Variants in IGF2BP1 observed in about 807,000 individuals in gnomAD.
The protein encoded by IGF2BP1 is insulin-like growth factor 2 mRNA-binding protein 1.
Under a neutral mutation model 74.9 loss-of-function variants are expected in IGF2BP1, and 11 were observed. The ratio of observed to expected loss-of-function variants is 0.15; its 90% CI spans 0.09 to 0.24. The LOEUF (loss-of-function observed/expected upper bound fraction) is 0.24, where lower values mean the gene tolerates loss of function less well. Ranked by LOEUF, IGF2BP1 falls within the 10% of genes least tolerant of loss-of-function variation. The probability of loss-of-function intolerance (pLI) is 1.00; values close to 1 mark genes in which losing one functional copy is unlikely to be tolerated. For missense variants in IGF2BP1, 440 were observed against 757.4 expected (o/e 0.58, Z 4.92); for synonymous variants, 287 against 281.8 (o/e 1.02, Z -0.18).
intron 5 of IGF2BP1, among the ~76,000 whole-genome samples, chr17:49,032,512 A>G (rs556875096): frequency 1.3e-5 from 2 of 152,294 alleles, no homozygotes; most frequent in African/African-American, 4.8e-5. Context: ...TTGAGCAATT[A>G]TGCGTCTCAC....
At chr17:48,999,765 A>G (rs956529922) in intron 2 of IGF2BP1, among the ~76,000 whole-genome samples, 2 of 149,380 alleles carry the variant, frequency 1.3e-5, no homozygotes, top group Admixed American at 6.7e-5. Flanking sequence ...CCCCAGCTGG[A>G]TTTTCCAAAG....
At position 49,045,916 on chromosome 17, in the gene IGF2BP1, C is replaced by G. The variant is rs1400154614; in HGVS notation, c.1422C>G (p.Leu474=). 2 of 1,614,022 alleles carry G rather than the reference C, an allele frequency of 1.2e-6. No homozygotes were observed. Among genetic ancestry groups the G allele is most frequent in the Non-Finnish European group, 1.7e-6 (2 of 1,179,938 alleles). The change falls in exon 13 of 15, where the codon CTC becomes CTG. Residue 474 remains leucine, a synonymous_variant. Coordinates refer to ENST00000290341, the MANE Select transcript of IGF2BP1 (RefSeq NM_006546.4). The stretch of plus-strand genomic sequence containing the variant: ...CTCAGGGAAGAATCTATGGCAAACT[C>G]AAGGAGGAGAACTTCTTTGGTCCCA... ...FKAQGRIYGK[L]KEENFFGPKE...
In IGF2BP1 at chr17:49,048,256, CT is replaced by C. The variant is rs1006855451; in HGVS notation, c.1642-1082del. 7.9e-3 allele frequency among the ~76,000 whole-genome samples: 1,119 copies of C among 142,146 alleles called. 13 individuals carry two copies. The highest frequency in any genetic ancestry group is 0.022 in the African/African-American group (850 of 39,028). The allele number at this position is 142,146 out of a possible 152,430, so 93.3% of individuals were successfully genotyped here. On this transcript the variant is annotated intron_variant, in intron 14 of 14. Coordinates refer to ENST00000290341, the MANE Select transcript of IGF2BP1 (RefSeq NM_006546.4). ...ATCTGGACTTTATTTTTTATTTTTA[CT>C]TTTTTTTTTTTTTGAGATGGAGTCT...
At chr17:49,009,852 G>T (rs974081993) in intron 2 of IGF2BP1, among the ~76,000 whole-genome samples, 2 of 152,010 alleles carry the variant, frequency 1.3e-5, no homozygotes, top group Non-Finnish European at 2.9e-5. Context: ...GGCCGAGGTG[G>T]GTGGATCACC....
In IGF2BP1 at chr17:49,056,089, C is replaced by G. The variant is rs1487492645; in HGVS notation, c.*6645C>G. Among the ~76,000 whole-genome samples, 1 of 151,940 alleles carries G rather than the reference C, an allele frequency of 6.6e-6. No homozygotes were observed. Among genetic ancestry groups the G allele is most frequent in the Non-Finnish European group, 1.5e-5 (1 of 67,986 alleles). On this transcript the variant is annotated 3_prime_UTR_variant, in exon 15 of 15. Coordinates refer to ENST00000290341, the MANE Select transcript of IGF2BP1 (RefSeq NM_006546.4). ...CCGTGAAGGTTGTTTCAGCCACAAA[C>G]CACTTCATTTTGCTGTTTCAATTTC...
In IGF2BP1 at chr17:49,044,987, T is replaced by C; in HGVS notation, c.1321-4T>C. ...CCCTCATTGACTAGCTTTTTGCTTTTTAGATTGCACCACCCGAAACACCTG... is the reference window on the plus strand; with the variant it reads ...CCCTCATTGACTAGCTTTTTGCTTTCTAGATTGCACCACCCGAAACACCTG... On this transcript the variant is annotated splice_polypyrimidine_tract_variant and splice_region_variant and intron_variant, in intron 11 of 14. Coordinates refer to ENST00000290341, the MANE Select transcript of IGF2BP1 (RefSeq NM_006546.4). 6.2e-7 allele frequency: 1 copy of C among 1,614,060 alleles called. No homozygotes were observed.
At position 49,015,874 on chromosome 17, in the gene IGF2BP1, C is replaced by T. The variant is rs548793715; in HGVS notation, c.237-9744C>T. ...CATGCTGAGGTTGGCTTGACCCCACCGCCACTTAGCACCTTCCACAAGTTG... is the reference window on the plus strand; with the variant it reads ...CATGCTGAGGTTGGCTTGACCCCACTGCCACTTAGCACCTTCCACAAGTTG... On this transcript the variant is annotated intron_variant, in intron 2 of 14. Coordinates refer to ENST00000290341, the MANE Select transcript of IGF2BP1 (RefSeq NM_006546.4). Among the ~76,000 whole-genome samples, 6 of 152,288 alleles carry T rather than the reference C, an allele frequency of 3.9e-5. No individual in the cohort carries two copies. In the South Asian group the frequency reaches 8.3e-4, roughly 21 times the overall value.
chr17:49,042,195 G>A (rs2042059842), intron 8 of IGF2BP1, 47 bp from the exon 9 acceptor site: 1 of 1,612,942 alleles, frequency 6.2e-7, no homozygotes, highest in Non-Finnish European at 8.5e-7. Flanking sequence ...GCCGGGGCCT[G>A]GTCCTGGCCT....
At chr17:49,017,043 A>G (rs1045854852) in intron 2 of IGF2BP1, among the ~76,000 whole-genome samples, 11 of 147,928 alleles carry the variant, frequency 7.4e-5, no homozygotes, top group African/African-American at 2.8e-4. Context: ...CGGGGTGGGG[A>G]GGAAGGACTG....
chr17:49,016,916 C>T (rs1431599761), intron 2 of IGF2BP1, among the ~76,000 whole-genome samples: 6 of 151,250 alleles, frequency 4.0e-5, no homozygotes, highest in Non-Finnish European at 7.4e-5. Flanking sequence ...CCCTCCCCGC[C>T]CCCGCCCCCT....
chr17:49,043,938 C>G, intron 10 of IGF2BP1, 29 bp from the exon 11 acceptor site: 13 of 1,610,762 alleles, frequency 8.1e-6, no homozygotes, highest in Non-Finnish European at 1.1e-5. Context: ...ACTTGGGCCC[C>G]CTGGTAACAA....
At chr17:49,024,282 T>C (rs1409391107) in intron 2 of IGF2BP1, among the ~76,000 whole-genome samples, 4 of 151,878 alleles carry the variant, frequency 2.6e-5, no homozygotes, top group African/African-American at 4.8e-5. Context: ...CATAGTGGCA[T>C]GCGCATGTGG....
intron 2 of IGF2BP1, among the ~76,000 whole-genome samples, chr17:49,019,189 C>T (rs1327277523): frequency 6.6e-6 from 1 of 152,070 alleles, no homozygotes; most frequent in East Asian, 1.9e-4. Flanking sequence ...AGAGAAATAC[C>T]AGTCCCAGGG....
chr17:49,020,019 C>T (rs8070176), intron 2 of IGF2BP1, among the ~76,000 whole-genome samples: 30,362 of 85,676 alleles, frequency 0.35, 5,449 homozygotes, highest in Middle Eastern at 0.4. Context: ...CATATATATA[C>T]ACACACACAC....
chr17:49,040,971 G>A (rs901705641), intron 7 of IGF2BP1, among the ~76,000 whole-genome samples: 8 of 152,176 alleles, frequency 5.3e-5, no homozygotes, highest in Non-Finnish European at 1.2e-4. Flanking sequence ...TGGAGGCTAG[G>A]AGTTCTAGAC....
At chr17:49,037,305 C>CT in intron 5 of IGF2BP1, 1 of 481,220 alleles carries the variant, frequency 2.1e-6, no homozygotes, top group Non-Finnish European at 3.9e-6. Flanking sequence ...GAAAGGACGT[C>CT]TAACTGCTCA....
chr17:49,043,374 A>C (rs1232688841), intron 9 of IGF2BP1, 54 bp from the exon 10 acceptor site: 1 of 1,604,940 alleles, frequency 6.2e-7, no homozygotes, highest in African/African-American at 1.3e-5. Flanking sequence ...CGGGGGTCAC[A>C]CACAAGCCCC....
intron 2 of IGF2BP1, among the ~76,000 whole-genome samples, chr17:49,015,311 G>T (rs367995376): frequency 6.6e-6 from 1 of 152,168 alleles, no homozygotes; most frequent in African/African-American, 2.4e-5. Context: ...AGAGAGGCTG[G>T]CATCTCCACC....
chr17:49,053,777 C>T lies in IGF2BP1; in HGVS notation c.*4333C>T, dbSNP rs1439843866. ...TGCTCCACAGGAGAAGCTGGTGCCT[C>T]TAGGCAACCCCTTCCTCCCACCTCT... is the stretch of plus-strand genomic sequence containing the variant. On this transcript the variant is annotated 3_prime_UTR_variant, in exon 15 of 15. Transcript: ENST00000290341. 6.6e-6 allele frequency: 1 copy of T among 152,664 alleles called. No individual in the cohort carries two copies. The highest frequency in any genetic ancestry group is 1.5e-5 in the Non-Finnish European group (1 of 68,068). The allele number at this position is 152,664 out of a possible 1,614,324, so 9.5% of individuals were successfully genotyped here.
Sources: allele counts gnomAD v4.1 joint callset (sites outside exome capture counted in the v4.1 genomes callset), GRCh38; gene constraint gnomAD v4.1.1; transcripts MANE v1.5; gene names NCBI Gene and HGNC (gene_info 2026-07-23, HGNC 2026-07-21).